The following ADGRL3 variants were observed in gnomAD, a reference collection of about 807,000 sequenced individuals.
ADGRL3 encodes calcium-independent alpha-latrotoxin receptor 3.
A neutral mutation model predicts 153.5 loss-of-function variants in ADGRL3; 62 were observed. The observed-to-expected ratio is 0.40, with a 90% confidence interval of 0.33 to 0.50. ADGRL3 has a LOEUF of 0.50. Among genes scored for constraint, ADGRL3 ranks in the 20% least tolerant of loss-of-function variants. ADGRL3 has a pLI of 0.47. For missense variants in ADGRL3, 1,641 were observed against 1,859.4 expected (o/e 0.88, Z 2.16); for synonymous variants, 710 against 672.5 (o/e 1.06, Z -0.86).
chr4:61,857,229 G>T (rs1468447655), intron 9 of ADGRL3, among the ~76,000 whole-genome samples: 1 of 151,858 alleles, frequency 6.6e-6, no homozygotes, highest in Middle Eastern at 3.4e-3. Flanking sequence ...ACTGTGTCTG[G>T]CCCCTGCTAA....
chr4:61,577,291 A>C (rs573506936), intron 4 of ADGRL3, among the ~76,000 whole-genome samples: 111 of 151,964 alleles, frequency 7.3e-4, no homozygotes, highest in Non-Finnish European at 1.5e-3. Flanking sequence ...TGTATAGTGC[A>C]GTGAGGCATT....
intron 8 of ADGRL3, among the ~76,000 whole-genome samples, chr4:61,761,310 A>C (rs2096909634): frequency 6.6e-6 from 1 of 152,194 alleles, no homozygotes; most frequent in Non-Finnish European, 1.5e-5. Context: ...TCTTTGTTTT[A>C]AATTATAAAC....
Position 62,037,812 on chromosome 4 carries a change from A to T in ADGRL3, c.3673A>T (p.Thr1225Ser), listed in dbSNP as rs768259945. 5 of 1,613,620 alleles carry T rather than the reference A, an allele frequency of 3.1e-6. No homozygotes were observed. The South Asian group carries it at 5.5e-5, about 18-fold the overall frequency. Residue 1225 changes from threonine (T) to serine (S), a missense_variant, in exon 24 of 27, where the codon ACA (threonine) becomes TCA (serine). Thr to Ser is a moderately conservative substitution (Grantham distance 58, BLOSUM62 1). Around this residue, in one of 5 missense-constraint regions of ADGRL3, gnomAD observed 517 missense variants for 555.0 expected, o/e 0.93. Coordinates refer to ENST00000683033, the MANE Select transcript of ADGRL3 (RefSeq NM_001387552.1). ...STESSIGSGK[T>S]SGSRTPGRYS... is the part of the protein sequence containing the mutation. ...AGAGAGTTCCATTGGTTCAGGGAAA[A>T]CATCTGGTTCTCGAACTCCTGGACG...
intron 1 of ADGRL3, among the ~76,000 whole-genome samples, chr4:61,279,456 C>T (rs1015079149): frequency 7.2e-5 from 11 of 152,082 alleles, no homozygotes; most frequent in Middle Eastern, 3.2e-3. Flanking sequence ...AATATTGTAA[C>T]GAGAGATTTC....
intron 12 of ADGRL3, among the ~76,000 whole-genome samples, chr4:61,912,449 C>T (rs980509025): frequency 9.9e-5 from 15 of 152,100 alleles, no homozygotes; most frequent in Admixed American, 2.0e-4. Flanking sequence ...CTAATTTCTA[C>T]GAAATGTATT....
chr4:61,366,867 A>T (rs931254115), intron 1 of ADGRL3, among the ~76,000 whole-genome samples: 1 of 152,128 alleles, frequency 6.6e-6, no homozygotes, highest in Non-Finnish European at 1.5e-5. Flanking sequence ...GTGTACTGTT[A>T]AGAAAGTTTA....
chr4:62,045,157 A>G (rs997494201), intron 25 of ADGRL3, among the ~76,000 whole-genome samples: 8 of 151,500 alleles, frequency 5.3e-5, no homozygotes, highest in Non-Finnish European at 1.2e-4. Flanking sequence ...CCCTTAATCT[A>G]TTGTTTTGTT....
At chr4:61,869,653 TCA>T (rs1431551094) in intron 9 of ADGRL3, among the ~76,000 whole-genome samples, 1 of 150,864 alleles carries the variant, frequency 6.6e-6, no homozygotes, top group Admixed American at 6.6e-5. Context: ...GCGTGGTGGC[TCA>T]CACTTTGGGA....
At chr4:61,850,400 A>G (rs2098187732) in intron 9 of ADGRL3, among the ~76,000 whole-genome samples, 1 of 152,134 alleles carries the variant, frequency 6.6e-6, no homozygotes, top group African/African-American at 2.4e-5. Flanking sequence ...TATTCAGCTT[A>G]CCAATAACTA....
chr4:61,862,574 C>G (rs2098353802), intron 9 of ADGRL3, among the ~76,000 whole-genome samples: 1 of 152,178 alleles, frequency 6.6e-6, no homozygotes, highest in African/African-American at 2.4e-5. Flanking sequence ...CCCACCACCA[C>G]CAGCTTTGGG....
At chr4:61,917,721 G>A (rs1227274630) in intron 13 of ADGRL3, among the ~76,000 whole-genome samples, 1 of 148,040 alleles carries the variant, frequency 6.8e-6, no homozygotes, top group African/African-American at 2.7e-5. Flanking sequence ...GAATTACCGA[G>A]GTGATATTTG....
chr4:61,489,187 T>C (rs1423812841), intron 2 of ADGRL3, among the ~76,000 whole-genome samples: 1 of 151,808 alleles, frequency 6.6e-6, no homozygotes, highest in Non-Finnish European at 1.5e-5. Context: ...AACATTAGGG[T>C]ATAGAAAATT....
chr4:62,044,241 G>T (rs565498760), intron 24 of ADGRL3, among the ~76,000 whole-genome samples: 1 of 151,538 alleles, frequency 6.6e-6, no homozygotes, highest in Non-Finnish European at 1.5e-5. Context: ...TGGTATATAG[G>T]CATTTAGGAA....
intron 4 of ADGRL3, among the ~76,000 whole-genome samples, chr4:61,554,910 G>C (rs533548035): frequency 2.4e-4 from 36 of 152,260 alleles, no homozygotes; most frequent in African/African-American, 7.0e-4. Context: ...GAGTAATAAA[G>C]TATGGAGAAG....
At chr4:61,763,602 G>A (rs916534060) in intron 8 of ADGRL3, among the ~76,000 whole-genome samples, 5 of 151,880 alleles carry the variant, frequency 3.3e-5, no homozygotes, top group African/African-American at 1.2e-4. Flanking sequence ...TTTCTCATGT[G>A]TATTAACATA....
At chr4:61,937,791 C>T (rs994288270) in intron 15 of ADGRL3, among the ~76,000 whole-genome samples, 5 of 152,094 alleles carry the variant, frequency 3.3e-5, no homozygotes, top group East Asian at 3.9e-4. Flanking sequence ...TCACTACTTA[C>T]GTATACAATA....
rs1227470783 is a variant in ADGRL3, at chr4:61,442,670, T to C, written c.-173-54451T>C. The stretch of plus-strand genomic sequence containing the variant: ...TTCCTTGAACATCTGGGTTGGGTGA[T>C]AGTGCTACCAATTCAGAATAGAAAG... On this transcript the variant is annotated intron_variant, in intron 2 of 26. Coordinates refer to ENST00000683033, the MANE Select transcript of ADGRL3 (RefSeq NM_001387552.1). Among the ~76,000 whole-genome samples, 8 of 152,200 alleles carry C rather than the reference T, an allele frequency of 5.3e-5. No homozygotes were observed. In the South Asian group the frequency reaches 1.2e-3, roughly 24 times the overall value.
intron 1 of ADGRL3, among the ~76,000 whole-genome samples, chr4:61,356,957 A>G (rs192890411): frequency 1.1e-4 from 16 of 152,034 alleles, no homozygotes; most frequent in African/African-American, 3.6e-4. Context: ...TGCTGATATA[A>G]TTTACTGACA....
chr4:61,795,001 A>G (rs541760265), intron 8 of ADGRL3, among the ~76,000 whole-genome samples: 3 of 152,238 alleles, frequency 2.0e-5, no homozygotes, highest in Non-Finnish European at 4.4e-5. Context: ...ATGCAGTAAA[A>G]GCACTTTACA....
Sources: gnomAD v4.1 joint callset for allele counts (sites outside exome capture counted in the v4.1 genomes callset) on GRCh38, gnomAD v4.1.1 for gene constraint, gnomAD v4.1.1 regional missense constraint, MANE v1.5 for transcripts, NCBI Gene and HGNC (gene_info 2026-07-23, HGNC 2026-07-21) for gene names.